MYO1E: variants seen among roughly 807,000 people sequenced by gnomAD.
MYO1E encodes the protein myosin IE.
MYO1E carries 68 observed loss-of-function variants against 151.1 expected under a neutral mutation model. The observed-to-expected ratio is 0.45, with a 90% confidence interval of 0.37 to 0.55. MYO1E has a LOEUF of 0.55. Among genes scored for constraint, MYO1E ranks in the 20% least tolerant of loss-of-function variants. The probability of loss-of-function intolerance (pLI) is 0.00; values close to 1 mark genes in which losing one functional copy is unlikely to be tolerated. For missense variants in MYO1E, 1,363 were observed against 1,389.3 expected, an observed-to-expected ratio of 0.98 and a Z score of 0.30; for synonymous variants, 601 against 501.7, an observed-to-expected ratio of 1.20 and a Z score of -2.64.
chr15:59,176,031 C>G (rs769437390), intron 19 of MYO1E, among the ~76,000 whole-genome samples: 12 of 149,252 alleles, frequency 8.0e-5, no homozygotes, highest in Non-Finnish European at 1.2e-4. Context: ...AAAAACAAAC[C>G]CTATGGTGTC....
chr15:59,292,512 G>T (rs1423417473), intron 1 of MYO1E, among the ~76,000 whole-genome samples: 1 of 152,230 alleles, frequency 6.6e-6, no homozygotes, highest in African/African-American at 2.4e-5. Context: ...GCTACAGATG[G>T]CAATGGGAGG....
intron 2 of MYO1E, among the ~76,000 whole-genome samples, chr15:59,266,379 A>C (rs1264550210): frequency 2.0e-5 from 3 of 152,226 alleles, no homozygotes; most frequent in Non-Finnish European, 4.4e-5. Flanking sequence ...AAAAATGCCA[A>C]TTATTTAAAA....
chr15:59,305,286 C>A (rs1011871755), intron 1 of MYO1E, among the ~76,000 whole-genome samples: 2 of 152,118 alleles, frequency 1.3e-5, no homozygotes, highest in Non-Finnish European at 2.9e-5. Flanking sequence ...CTCTGCCTCC[C>A]GGGATCAAGC....
chr15:59,366,310 TTCTC>T (rs1182750782), intron 1 of MYO1E, among the ~76,000 whole-genome samples: 18 of 128,336 alleles, frequency 1.4e-4, no homozygotes, highest in Non-Finnish European at 5.1e-5. Context: ...CTCTCTCTCT[TTCTC>T]TCTCTCTCTC....
At chr15:59,233,661 TAA>T (rs11285934) in intron 5 of MYO1E, among the ~76,000 whole-genome samples, 941 of 78,346 alleles carry the variant, frequency 0.012, 13 homozygotes, top group African/African-American at 0.039. Context: ...AGACTCCGTC[TAA>T]AAAAAAAAAA....
At chr15:59,274,083 A>T (rs577835581) in intron 1 of MYO1E, among the ~76,000 whole-genome samples, 17 of 152,094 alleles carry the variant, frequency 1.1e-4, no homozygotes, top group Non-Finnish European at 2.2e-4. Context: ...GGAAACACAG[A>T]TCCTTTGCTA....
intron 2 of MYO1E, chr15:59,270,989 G>T (rs1340621921): frequency 6.6e-6 from 1 of 152,132 alleles, no homozygotes; most frequent in African/African-American, 2.4e-5. Flanking sequence ...AACTATATCT[G>T]TTAATCCTTG....
At chr15:59,345,025 T>G (rs1414106366) in intron 1 of MYO1E, among the ~76,000 whole-genome samples, 1 of 152,070 alleles carries the variant, frequency 6.6e-6, no homozygotes, top group African/African-American at 2.4e-5. Flanking sequence ...CAGAAAAAAT[T>G]TTAAATGCCT....
chr15:59,196,594 T>A (rs1188383560), intron 16 of MYO1E, among the ~76,000 whole-genome samples: 4 of 152,224 alleles, frequency 2.6e-5, no homozygotes, highest in African/African-American at 9.6e-5. Flanking sequence ...CAATTAGGAC[T>A]TTTCTGTTTT....
chr15:59,273,758 T>A lies in MYO1E; in HGVS notation c.4-1309A>T, dbSNP rs377755955. 5.1e-4 allele frequency among the ~76,000 whole-genome samples: 77 copies of A among 152,254 alleles called. 5 individuals are homozygous for A. Among genetic ancestry groups the A allele is most frequent in the African/African-American group, 1.7e-3 (70 of 41,546 alleles). Reference sequence around the variant, plus strand: ...AGTAATGGCAAATATTACATGACAATATTGGAAGATCCTCCCTTACCTTCA... The same window carrying A: ...AGTAATGGCAAATATTACATGACAAAATTGGAAGATCCTCCCTTACCTTCA... On this transcript the variant is annotated intron_variant, in intron 1 of 27. Transcript: ENST00000288235.
chr15:59,185,530 G>C (rs2079690730), intron 18 of MYO1E, among the ~76,000 whole-genome samples: 1 of 152,166 alleles, frequency 6.6e-6, no homozygotes, highest in Non-Finnish European at 1.5e-5. Flanking sequence ...GCCTCCCAAA[G>C]TGCTGGGATT....
chr15:59,197,846 A>T (rs1215521468), intron 16 of MYO1E, among the ~76,000 whole-genome samples: 1 of 152,244 alleles, frequency 6.6e-6, no homozygotes, highest in Non-Finnish European at 1.5e-5. Context: ...TTCAATAGCT[A>T]TGGGTCAACT....
chr15:59,140,443 G>A (rs1371686144), intron 26 of MYO1E, among the ~76,000 whole-genome samples: 1 of 152,154 alleles, frequency 6.6e-6, no homozygotes, highest in Non-Finnish European at 1.5e-5. Flanking sequence ...TTCGCTTAAG[G>A]ACAAACCAAA....
chr15:59,252,182 T>C (rs2080168802), intron 4 of MYO1E, among the ~76,000 whole-genome samples: 1 of 152,292 alleles, frequency 6.6e-6, no homozygotes, highest in Admixed American at 6.5e-5. Flanking sequence ...AAAGCTCATA[T>C]TCCCTAGCTT....
At chr15:59,229,322 G>A (rs902512937) in intron 6 of MYO1E, among the ~76,000 whole-genome samples, 5 of 152,276 alleles carry the variant, frequency 3.3e-5, no homozygotes, top group Admixed American at 2.6e-4. Flanking sequence ...TCTAGGACCA[G>A]GGCCCGGAGC....
intron 8 of MYO1E, 112 bp from the exon 9 acceptor site, chr15:59,223,303 A>C: frequency 1.1e-5 from 13 of 1,193,658 alleles, no homozygotes; most frequent in Non-Finnish European, 1.4e-5. Flanking sequence ...ACAAGTACAG[A>C]CGAGTTACAA....
chr15:59,182,141 G>A (rs1203709741), intron 18 of MYO1E, among the ~76,000 whole-genome samples: 2 of 152,056 alleles, frequency 1.3e-5, no homozygotes, highest in African/African-American at 2.4e-5. Flanking sequence ...TATAGTGTGG[G>A]GGATTGAAAA....
intron 1 of MYO1E, among the ~76,000 whole-genome samples, chr15:59,305,698 T>A (rs368120242): frequency 2.0e-5 from 3 of 152,206 alleles, no homozygotes; most frequent in Non-Finnish European, 4.4e-5. Flanking sequence ...TGGCAGCAAT[T>A]GTGAGCTGTG....
intron 14 of MYO1E, chr15:59,208,390 C>T (rs373994987): frequency 4.2e-5 from 23 of 553,848 alleles, no homozygotes; most frequent in Admixed American, 2.7e-4. Flanking sequence ...CTAGAAATTC[C>T]GACTCTTTTC....
Sources: gnomAD v4.1 joint callset for allele counts (sites outside exome capture counted in the v4.1 genomes callset) on GRCh38, gnomAD v4.1.1 for gene constraint, MANE v1.5 for transcripts, NCBI Gene and HGNC (gene_info 2026-07-23, HGNC 2026-07-21) for gene names.